CSMD1: variants seen among roughly 807,000 people sequenced by gnomAD.
The protein encoded by CSMD1 is CUB and sushi domain-containing protein 1.
CSMD1 carries 213 observed loss-of-function variants against 417.5 expected under a neutral mutation model. That is an observed-to-expected ratio of 0.51 (90% CI 0.46 to 0.57). The LOEUF (loss-of-function observed/expected upper bound fraction) is 0.57. Among genes scored for constraint, CSMD1 ranks in the 20% least tolerant of loss-of-function variants. The probability of loss-of-function intolerance (pLI) is 0.00; values close to 1 mark genes in which losing one functional copy is unlikely to be tolerated. For synonymous variants in CSMD1, 2,862 were observed against 1,736.8 expected (o/e 1.65, Z -16.11); for missense variants, 6,923 against 4,529.7 (o/e 1.53, Z -15.17).
intron 3 of CSMD1, among the ~76,000 whole-genome samples, chr8:4,286,415 G>C (rs559109732): frequency 3.3e-5 from 5 of 152,262 alleles, no homozygotes; most frequent in East Asian, 1.9e-4. Flanking sequence ...ACATGAGACA[G>C]AGAAAAATCA....
intron 11 of CSMD1, among the ~76,000 whole-genome samples, chr8:3,471,447 G>C (rs1051739785): frequency 6.6e-6 from 1 of 152,046 alleles, no homozygotes; most frequent in Non-Finnish European, 1.5e-5. Flanking sequence ...TTAGTTGCAG[G>C]GCTTTCTATA....
At chr8:4,068,039 C>G (rs111706141) in intron 3 of CSMD1, among the ~76,000 whole-genome samples, 2,735 of 152,114 alleles carry the variant, frequency 0.018, 81 homozygotes, top group African/African-American at 0.062. Flanking sequence ...CGAGATCATG[C>G]CACTGCACTC....
At chr8:3,657,630 G>A (rs146943147) in intron 7 of CSMD1, among the ~76,000 whole-genome samples, 2 of 152,246 alleles carry the variant, frequency 1.3e-5, no homozygotes, top group African/African-American at 4.8e-5. Flanking sequence ...TCACTCATAA[G>A]TGGGTGTTGA....
At chr8:4,313,706 G>C (rs191696220) in intron 3 of CSMD1, among the ~76,000 whole-genome samples, 2 of 152,006 alleles carry the variant, frequency 1.3e-5, no homozygotes, top group African/African-American at 4.8e-5. Context: ...TTACTCTAAG[G>C]TCATATGACT....
chr8:4,173,638 T>C (rs1200679848), intron 3 of CSMD1, among the ~76,000 whole-genome samples: 1 of 152,142 alleles, frequency 6.6e-6, no homozygotes, highest in Non-Finnish European at 1.5e-5. Context: ...TCGGAAACAC[T>C]GAATGCCACT....
At chr8:4,265,208 A>G (rs1237967809) in intron 3 of CSMD1, among the ~76,000 whole-genome samples, 4 of 152,076 alleles carry the variant, frequency 2.6e-5, no homozygotes, top group African/African-American at 9.7e-5. Flanking sequence ...AACAGTATTT[A>G]AAAATTATTT....
chr8:4,528,378 T>C (rs1796626936), intron 2 of CSMD1, among the ~76,000 whole-genome samples: 1 of 152,158 alleles, frequency 6.6e-6, no homozygotes, highest in Non-Finnish European at 1.5e-5. Flanking sequence ...TCCAAGACTC[T>C]CAATCATGCC....
At chr8:4,428,248 G>C (rs1427246454) in intron 2 of CSMD1, among the ~76,000 whole-genome samples, 3 of 152,156 alleles carry the variant, frequency 2.0e-5, no homozygotes, top group African/African-American at 4.8e-5. Flanking sequence ...ACAACTAGGA[G>C]ACTATCAACT....
intron 5 of CSMD1, among the ~76,000 whole-genome samples, chr8:3,948,471 G>A (rs1361506375): frequency 2.0e-5 from 3 of 151,894 alleles, no homozygotes; most frequent in Non-Finnish European, 4.4e-5. Context: ...TCTTTGGCAG[G>A]GAAATTTTCT....
intron 1 of CSMD1, among the ~76,000 whole-genome samples, chr8:4,800,122 C>G (rs1387228169): frequency 6.6e-6 from 1 of 151,808 alleles, no homozygotes; most frequent in African/African-American, 2.4e-5. Context: ...TTTTTGTTTC[C>G]TATATAATTG....
At chr8:3,522,039 G>A (rs1358093898) in intron 10 of CSMD1, among the ~76,000 whole-genome samples, 2 of 152,116 alleles carry the variant, frequency 1.3e-5, no homozygotes, top group African/African-American at 2.4e-5. Flanking sequence ...TTAGAGTATT[G>A]CCTGTGTGAA....
intron 2 of CSMD1, among the ~76,000 whole-genome samples, chr8:4,564,239 C>A (rs1377272946): frequency 3.3e-5 from 5 of 152,166 alleles, no homozygotes; most frequent in Non-Finnish European, 7.4e-5. Flanking sequence ...AAAACAAGCA[C>A]AATATCCTTA....
intron 1 of CSMD1, among the ~76,000 whole-genome samples, chr8:4,773,990 G>A (rs1254286133): frequency 1.3e-5 from 2 of 152,118 alleles, no homozygotes; most frequent in African/African-American, 2.4e-5. Flanking sequence ...CAGGTCAGGA[G>A]TTCAAGACCA....
chr8:4,192,568 G>A lies in CSMD1; in HGVS notation c.416-160469C>T, dbSNP rs538426251. Among the ~76,000 whole-genome samples, 4 of 152,214 alleles carry A rather than the reference G, an allele frequency of 2.6e-5. No individual in the cohort carries two copies. In the South Asian group the frequency reaches 8.3e-4, roughly 32 times the overall value. Reference sequence around the variant, plus strand: ...TTTATCTACATCAGCACCAGCTAGTGGGTATTTTACTCTTCATCAGCTTTG... The same window carrying A: ...TTTATCTACATCAGCACCAGCTAGTAGGTATTTTACTCTTCATCAGCTTTG... On this transcript the variant is annotated intron_variant, in intron 3 of 69. Transcript: ENST00000635120.
intron 1 of CSMD1, among the ~76,000 whole-genome samples, chr8:4,772,425 C>T (rs1212764164): frequency 6.6e-6 from 1 of 152,142 alleles, no homozygotes; most frequent in East Asian, 1.9e-4. Context: ...AGAATGATCT[C>T]CCTATTTTAA....
intron 3 of CSMD1, among the ~76,000 whole-genome samples, chr8:4,287,407 CAGA>C (rs1224461477): frequency 2.0e-5 from 3 of 152,130 alleles, no homozygotes; most frequent in Admixed American, 2.0e-4. Context: ...TGATTTCCAC[CAGA>C]AGGTTTCTTT....
intron 2 of CSMD1, among the ~76,000 whole-genome samples, chr8:4,561,621 G>A (rs551287032): frequency 1.3e-4 from 20 of 152,240 alleles, no homozygotes; most frequent in Admixed American, 3.9e-4. Context: ...GATTGAGGCC[G>A]CAGTGAGCCA....
chr8:3,826,959 A>G (rs1206323620), intron 5 of CSMD1, among the ~76,000 whole-genome samples: 1 of 151,954 alleles, frequency 6.6e-6, no homozygotes, highest in Non-Finnish European at 1.5e-5. Flanking sequence ...TTTAAATATA[A>G]TTTATAGAGA....
At chr8:4,416,940 T>C (rs889326202) in intron 3 of CSMD1, among the ~76,000 whole-genome samples, 1 of 152,064 alleles carries the variant, frequency 6.6e-6, no homozygotes, top group African/African-American at 2.4e-5. Flanking sequence ...ATAAACTATG[T>C]GTAATCCTAA....
Sources: allele counts gnomAD v4.1 joint callset (sites outside exome capture counted in the v4.1 genomes callset), GRCh38; gene constraint gnomAD v4.1.1; transcripts MANE v1.5; gene names NCBI Gene and HGNC (gene_info 2026-07-23, HGNC 2026-07-21).